Variants in POGLUT3 observed in about 807,000 individuals in gnomAD.
POGLUT3 encodes the protein protein O-glucosyltransferase 3, also known as KDEL (Lys-Asp-Glu-Leu) containing 2.
POGLUT3 carries 48 observed loss-of-function variants against 54.3 expected under a neutral mutation model. The ratio of observed to expected loss-of-function variants is 0.88; its 90% CI spans 0.70 to 1.12. The LOEUF is 1.12. POGLUT3 is among the 50% of genes most tolerant of loss of function. The probability of loss-of-function intolerance (pLI) is 0.00; values close to 1 mark genes in which losing one functional copy is unlikely to be tolerated. For missense variants in POGLUT3, 629 were observed against 618.7 expected (o/e 1.02, Z -0.18); for synonymous variants, 218 against 237.4 (o/e 0.92, Z 0.75).
intron 7 of POGLUT3, 30 bp from the exon 8 acceptor site, chr11:108,474,982 G>T (rs199873353): frequency 6.2e-6 from 10 of 1,611,242 alleles, no homozygotes; most frequent in Non-Finnish European, 8.5e-6. Context: ...GGAACTGAAA[G>T]GTTAGTTCAC....
intron 7 of POGLUT3, among the ~76,000 whole-genome samples, chr11:108,476,284 C>A (rs1455476333): frequency 6.6e-6 from 1 of 152,274 alleles, no homozygotes; most frequent in Non-Finnish European, 1.5e-5. Context: ...CAGGCATGTG[C>A]CACCACACCT....
At chr11:108,498,091 GGGCGGACTCCCGGGC>G in intron 1 of POGLUT3, 59 bp downstream of exon 1, 1 of 1,314,314 alleles carries the variant, frequency 7.6e-7, no homozygotes, top group East Asian at 3.2e-5. Flanking sequence ...CGCAGGCCGC[GGGCGGACTCCCGGGC>G]GGCGGGGACG....
intron 3 of POGLUT3, 132 bp from the exon 4 acceptor site, chr11:108,482,354 G>T (rs1180158083): frequency 1.1e-5 from 7 of 622,418 alleles, no homozygotes; most frequent in African/African-American, 9.2e-5. Context: ...AGAGAAGAAT[G>T]CCTGTCATTG....
In POGLUT3 at chr11:108,477,658, C is replaced by T; in HGVS notation, c.1347G>A (p.Arg449=). ...AAAGCCTGTGTGGCTGTAGTAGGTC[C>T]CTAGCCATCAACTGTCCTTCTTTTG... The part of the protein sequence containing the change: ...KIAKEGQLMA[R]DLLQPHRLYC... Residue 449 remains arginine (R), a synonymous_variant, in exon 7 of 8, where the codon AGG becomes AGA. Transcript: ENST00000323468. 1.2e-6 allele frequency: 2 copies of T among 1,613,500 alleles called. No homozygotes were observed. Among genetic ancestry groups the T allele is most frequent in the African/African-American group, 1.3e-5 (1 of 74,992 alleles).
At chr11:108,488,763 T>G (rs927226261) in intron 2 of POGLUT3, among the ~76,000 whole-genome samples, 7 of 152,160 alleles carry the variant, frequency 4.6e-5, no homozygotes, top group African/African-American at 1.7e-4. Context: ...GATTTCAGGC[T>G]GAGAAATGGA....
chr11:108,486,574 T>C, intron 2 of POGLUT3, 134 bp from the exon 3 acceptor site: 1 of 858,730 alleles, frequency 1.2e-6, no homozygotes. Context: ...ATCAGTGGTG[T>C]AAGTGATTAT....
chr11:108,484,319 A>G (rs1238258726), intron 3 of POGLUT3, among the ~76,000 whole-genome samples: 1 of 152,146 alleles, frequency 6.6e-6, no homozygotes, highest in Non-Finnish European at 1.5e-5. Flanking sequence ...TACCTTTAGG[A>G]GCAGATGCCC....
At chr11:108,493,998 T>C (rs891800963) in intron 1 of POGLUT3, among the ~76,000 whole-genome samples, 5 of 152,206 alleles carry the variant, frequency 3.3e-5, no homozygotes, top group Non-Finnish European at 7.3e-5. Context: ...ATCAAAAGCA[T>C]ATTTAGAAAT....
intron 3 of POGLUT3, 94 bp from the exon 4 acceptor site, chr11:108,482,316 C>G (rs1565747425): frequency 1.3e-6 from 1 of 798,292 alleles, no homozygotes; most frequent in Non-Finnish European, 2.0e-6. Flanking sequence ...ATATTTTTGA[C>G]AGGGCTAACC....
intron 2 of POGLUT3, chr11:108,486,758 A>C (rs11212673): frequency 7.4e-6 from 2 of 271,290 alleles, no homozygotes; most frequent in East Asian, 1.4e-4. Context: ...GGAGAAAAAG[A>C]ACGTATTAAT....
chr11:108,482,590 T>TA (rs1181988845), intron 3 of POGLUT3, among the ~76,000 whole-genome samples: 3 of 151,830 alleles, frequency 2.0e-5, no homozygotes, highest in Non-Finnish European at 2.9e-5. Context: ...CTACTAAACT[T>TA]ACAAAAATTA....
rs368543174 is a variant in POGLUT3 at position 108,477,590 on chromosome 11, G to C, written c.1398+17C>G. The C allele has an allele frequency of 3.5e-5, 52 of 1,499,162 alleles. No homozygotes were observed. Among genetic ancestry groups the C allele is most frequent in the Non-Finnish European group, 4.6e-5 (50 of 1,078,188 alleles). 92.9% of individuals were successfully genotyped at this position (1,499,162 alleles called of 1,614,324 possible). On this transcript the variant is annotated intron_variant, in intron 7 of 7. Transcript: ENST00000323468. ...GGACACCCGACCCAGCAGTGTGGACGGACACTCTGAACTGACCTGCAGTAC... is the reference window on the plus strand; with the variant it reads ...GGACACCCGACCCAGCAGTGTGGACCGACACTCTGAACTGACCTGCAGTAC...
chr11:108,481,246 G>T lies in POGLUT3; in HGVS notation c.1032C>A (p.Phe344Leu). ...GCTCCTTTTCTTTCTCTTGGAAAAA[G>T]AAATATCCTGTAATTCCTGCATCTA... is the stretch of plus-strand genomic sequence containing the variant. ...QLLDAGITGYFFFQEKEKELG... is the reference protein window; with the variant it reads ...QLLDAGITGYLFFQEKEKELG... The change falls in exon 5 of 8, where the codon TTC (phenylalanine) becomes TTA (leucine). Residue 344 changes from phenylalanine (F) to leucine (L), a missense_variant. Physicochemically the swap from Phe to Leu is conservative, Grantham distance 22 (BLOSUM62 0). Coordinates refer to ENST00000323468, the MANE Select transcript of POGLUT3 (RefSeq NM_153705.5). 6.2e-7 allele frequency: 1 copy of T among 1,612,270 alleles called. No homozygotes were observed. The highest frequency in any genetic ancestry group is 8.5e-7 in the Non-Finnish European group (1 of 1,179,490).
At chr11:108,491,770 G>A (rs1031687196) in intron 1 of POGLUT3, among the ~76,000 whole-genome samples, 1 of 152,078 alleles carries the variant, frequency 6.6e-6, no homozygotes, top group Non-Finnish European at 1.5e-5. Flanking sequence ...ATGAACAAAA[G>A]CAAATCATTT....
intron 1 of POGLUT3, 34 bp downstream of exon 1, chr11:108,498,131 C>G: frequency 1.4e-6 from 2 of 1,477,068 alleles, no homozygotes; most frequent in Non-Finnish European, 1.8e-6. Flanking sequence ...GGGACCCGGC[C>G]GCGGGACGAG....
Position 108,474,749 on chromosome 11 carries a change from A to C in POGLUT3, c.*78T>G. On this transcript the variant is annotated 3_prime_UTR_variant, in exon 8 of 8. Coordinates refer to ENST00000323468, the MANE Select transcript of POGLUT3 (RefSeq NM_153705.5). Reference sequence around the variant, plus strand: ...ACTAGTCCACTTGGTGCAGTCTTCTATACTGTCCTTCACAGCTTAGATTCA... The same window carrying C: ...ACTAGTCCACTTGGTGCAGTCTTCTCTACTGTCCTTCACAGCTTAGATTCA... 6.4e-7 allele frequency: 1 copy of C among 1,565,432 alleles called. No individual in the cohort carries two copies. Among genetic ancestry groups the C allele is most frequent in the Non-Finnish European group, 8.7e-7 (1 of 1,146,328 alleles).
chr11:108,472,639 T>C lies in POGLUT3; in HGVS notation c.*2188A>G, dbSNP rs956304010. The C allele has an allele frequency of 3.9e-5, 6 of 152,250 alleles. No homozygotes were observed. The highest frequency in any genetic ancestry group is 8.8e-5 in the Non-Finnish European group (6 of 68,048). 9.4% of individuals were successfully genotyped at this position (152,250 alleles called of 1,614,324 possible). A position where few individuals can be genotyped will look rare whatever the true frequency, so the allele number is the denominator to read the frequency against. On this transcript the variant is annotated 3_prime_UTR_variant, in exon 8 of 8. Transcript: ENST00000323468. ...TCAACTTGCTTTTAACTATTAGGCC[T>C]GTTTGGCAGAGGCAATATAAATTTT...
At chr11:108,479,234 G>A in intron 6 of POGLUT3, 67 bp downstream of exon 6, 2 of 1,039,918 alleles carry the variant, frequency 1.9e-6, no homozygotes, top group Non-Finnish European at 1.4e-6. Context: ...ATTGTATTGT[G>A]ATGGAACTCA....
At chr11:108,479,273 A>T in intron 6 of POGLUT3, 28 bp downstream of exon 6, 1 of 1,522,916 alleles carries the variant, frequency 6.6e-7, no homozygotes, top group Non-Finnish European at 8.9e-7. Context: ...GTTATTGCTT[A>T]AAGAAATAAA....
Sources: allele counts gnomAD v4.1 joint callset (sites outside exome capture counted in the v4.1 genomes callset), GRCh38; gene constraint gnomAD v4.1.1; transcripts MANE v1.5; gene names NCBI Gene and HGNC (gene_info 2026-07-23, HGNC 2026-07-21).